Variants in GLI1 observed in about 807,000 individuals in gnomAD.
GLI1 encodes the protein GLI family zinc finger 1.
In GLI1, 51 loss-of-function variants were observed where a neutral mutation model predicts 87.8. The ratio of observed to expected loss-of-function variants is 0.58; its 90% confidence interval spans 0.46 to 0.73. GLI1 has a LOEUF of 0.73. GLI1 is among the 30% of genes least tolerant of loss of function. The probability of loss-of-function intolerance (pLI) is 0.00; values close to 1 mark genes in which losing one functional copy is unlikely to be tolerated. For synonymous variants in GLI1, 528 were observed against 558.2 expected, an observed-to-expected ratio of 0.95 and a Z score of 0.76; for missense variants, 1,292 against 1,437.2, an observed-to-expected ratio of 0.90 and a Z score of 1.63.
chr12:57,467,087 T>C (rs1036267475), intron 8 of GLI1, among the ~76,000 whole-genome samples: 1 of 152,134 alleles, frequency 6.6e-6, no homozygotes, highest in Non-Finnish European at 1.5e-5. Flanking sequence ...CAGAGAAATC[T>C]GCCCTGGCTT....
chr12:57,469,643 T>G lies in GLI1; in HGVS notation c.1521T>G (p.His507Gln). 6.2e-7 allele frequency: 1 copy of G among 1,614,036 alleles called. No homozygotes were observed. Among genetic ancestry groups the G allele is most frequent in the Non-Finnish European group, 8.5e-7 (1 of 1,180,012 alleles). Residue 507 changes from histidine (H) to glutamine (Q), a missense_variant, in exon 11 of 12, where the codon CAT (histidine) becomes CAG (glutamine). By Grantham distance (24) the His-to-Gln change is conservative. Coordinates refer to ENST00000228682, the MANE Select transcript of GLI1 (RefSeq NM_005269.3). ...AGAACCTCAGGCTGGACCAGCTACA[T>G]CAACTCCGGCCAATAGGGACCCGGG... ...RLENLRLDQLHQLRPIGTRGL... is the reference protein window; with the variant it reads ...RLENLRLDQLQQLRPIGTRGL...
Position 57,463,733 on chromosome 12 carries a change from C to T in GLI1, c.42C>T (p.Gly14=), listed in dbSNP as rs375023995. ...SMTPPPISSY[G]EPCCLRPLPS... ...CCCCACCACCAATCAGTAGCTATGG[C>T]GAGCCCTGCTGTCTCCGGCCCCTCC... The change falls in exon 2 of 12, where the codon GGC becomes GGT. Residue 14 remains glycine, a synonymous_variant. Coordinates refer to ENST00000228682, the MANE Select transcript of GLI1 (RefSeq NM_005269.3). 54 of 1,612,252 alleles carry T rather than the reference C, an allele frequency of 3.3e-5. 1 individual carries two copies. In the Middle Eastern group the frequency reaches 6.6e-4, roughly 20 times the overall value.
chr12:57,460,901 T>A (rs1871099360), intron 1 of GLI1, among the ~76,000 whole-genome samples: 1 of 151,958 alleles, frequency 6.6e-6, no homozygotes, highest in South Asian at 2.1e-4. Flanking sequence ...GTCTTGACCC[T>A]CTGACCTCAG....
Position 57,463,983 on chromosome 12 carries a change from T to A in GLI1, c.101-16T>A. On this transcript the variant is annotated splice_polypyrimidine_tract_variant and intron_variant, in intron 2 of 11. Coordinates refer to ENST00000228682, the MANE Select transcript of GLI1 (RefSeq NM_005269.3). Reference sequence around the variant, plus strand: ...ATGTATCCTCCATTCCCATTCCAGCTGTCTCTTTTTTCTAGGACTGTCTGG... The same window carrying A: ...ATGTATCCTCCATTCCCATTCCAGCAGTCTCTTTTTTCTAGGACTGTCTGG... 14 of 1,586,256 alleles carry A rather than the reference T, an allele frequency of 8.8e-6. No individual in the cohort carries two copies. The highest frequency in any genetic ancestry group is 1.1e-5 in the Non-Finnish European group (13 of 1,154,508).
At chr12:57,462,043 T>C (rs943080154) in intron 1 of GLI1, among the ~76,000 whole-genome samples, 8 of 152,200 alleles carry the variant, frequency 5.3e-5, no homozygotes, top group Non-Finnish European at 7.4e-5. Flanking sequence ...CCCATTTCCT[T>C]GGAGGCTCTT....
chr12:57,466,295 G>T lies in GLI1; in HGVS notation c.818G>T (p.Gly273Val), dbSNP rs1486673896. The change falls in exon 8 of 12, where the codon GGG becomes GTG. Residue 273 changes from glycine to valine, a missense_variant. Around this residue, in one of 3 missense-constraint regions of GLI1, gnomAD observed 383 missense variants for 368.4 expected, o/e 1.04. Transcript: ENST00000228682. ...CGGAAGGAGTTCGTGTGCCACTGGG[G>T]GGGCTGCTCCAGGGAGCTGAGGCCC... ...GERKEFVCHW[G>V]GCSRELRPFK... 18 of 1,614,048 alleles carry T rather than the reference G, an allele frequency of 1.1e-5. No homozygotes were observed. The highest frequency in any genetic ancestry group is 1.4e-5 in the Non-Finnish European group (17 of 1,179,970).
In GLI1 at chr12:57,468,107, C is replaced by A; in HGVS notation, c.1191C>A (p.His397Gln). 6.2e-7 allele frequency: 1 copy of A among 1,614,118 alleles called. No homozygotes were observed. The highest frequency in any genetic ancestry group is 8.5e-7 in the Non-Finnish European group (1 of 1,179,944). Residue 397 changes from histidine to glutamine, a missense_variant, in exon 10 of 12, where the codon CAC (histidine) becomes CAA (glutamine). This residue lies in a region of GLI1 where 897 missense variants were observed against 1,040.7 expected (regional missense o/e 0.86). Coordinates refer to ENST00000228682, the MANE Select transcript of GLI1 (RefSeq NM_005269.3). ...CTGACGCCCATGTGACCAAACGGCACCGTGGGGATGGCCCCCTGCCTCGGG... is the reference window on the plus strand; with the variant it reads ...CTGACGCCCATGTGACCAAACGGCAACGTGGGGATGGCCCCCTGCCTCGGG... ...HGPDAHVTKR[H>Q]RGDGPLPRAP...
chr12:57,470,997 C>T lies in GLI1; in HGVS notation c.2257C>T (p.Leu753Phe), dbSNP rs769216016. 1 of 1,611,586 alleles carries T rather than the reference C, an allele frequency of 6.2e-7. No individual in the cohort carries two copies. Among genetic ancestry groups the T allele is most frequent in the South Asian group, 1.1e-5 (1 of 90,784 alleles). Residue 753 changes from leucine (L) to phenylalanine (F), a missense_variant, in exon 12 of 12, where the codon CTT becomes TTT. Leu to Phe is a conservative substitution (Grantham distance 22, BLOSUM62 0). Transcript: ENST00000228682. ...AGCGAGGGGTCCAGGCTCTCTGCCT[C>T]TTGGGCCTGGTCCACCCACCAACTA... Reference protein sequence around the residue: ...YGARGPGSLPLGPGPPTNYGP... With the variant: ...YGARGPGSLPFGPGPPTNYGP...
intron 11 of GLI1, 43 bp downstream of exon 11, chr12:57,469,741 A>C (rs1871745654): frequency 6.3e-7 from 1 of 1,594,954 alleles, no homozygotes. Flanking sequence ...TGAGATCTGG[A>C]CCTGCCCTGA....
At position 57,465,131 on chromosome 12, in the gene GLI1, C is replaced by A; in HGVS notation, c.410C>A (p.Ala137Asp). The change falls in exon 5 of 12, where the codon GCC (alanine) becomes GAC (aspartate). Residue 137 changes from alanine (A) to aspartate (D), a missense_variant. By Grantham distance (126) the Ala-to-Asp change is moderately radical. Around this residue, in one of 3 missense-constraint regions of GLI1, gnomAD observed 383 missense variants for 368.4 expected, o/e 1.04. Transcript: ENST00000228682. ...CTCAGCCCATCTCTGGGATTCCCAG[C>A]CCAGATGAATCACCAAAAAGGGCCC... ...GTMSPSLGFPAQMNHQKGPSP... is the reference protein window; with the variant it reads ...GTMSPSLGFPDQMNHQKGPSP... 6.2e-7 allele frequency: 1 copy of A among 1,614,060 alleles called. No individual in the cohort carries two copies. Among genetic ancestry groups the A allele is most frequent in the Non-Finnish European group, 8.5e-7 (1 of 1,179,906 alleles).
Position 57,469,572 on chromosome 12 carries a change from G to A in GLI1, c.1450G>A (p.Gly484Arg). ...STEDLSSLDEGPCIAGTGLST... is the reference protein window; with the variant it reads ...STEDLSSLDERPCIAGTGLST... ...TGAAGACCTCTCCAGCTTGGACGAGGGACCTTGCATTGCTGGCACTGGTCT... is the reference window on the plus strand; with the variant it reads ...TGAAGACCTCTCCAGCTTGGACGAGAGACCTTGCATTGCTGGCACTGGTCT... The change falls in exon 11 of 12, where the codon GGA (glycine) becomes AGA (arginine). Residue 484 changes from glycine (G) to arginine (R), a missense_variant. By Grantham distance (125) the Gly-to-Arg change is moderately radical. This residue lies in a region of GLI1 where 897 missense variants were observed against 1,040.7 expected (regional missense o/e 0.86). Coordinates refer to ENST00000228682, the MANE Select transcript of GLI1 (RefSeq NM_005269.3). 6.2e-7 allele frequency: 1 copy of A among 1,614,212 alleles called. No homozygotes were observed. Among genetic ancestry groups the A allele is most frequent in the Non-Finnish European group, 8.5e-7 (1 of 1,180,042 alleles).
At chr12:57,465,363 C>A in intron 5 of GLI1, 108 bp downstream of exon 5, 1 of 1,068,920 alleles carries the variant, frequency 9.4e-7, no homozygotes, top group Non-Finnish European at 1.4e-6. Flanking sequence ...GTTTTCAGTA[C>A]TAGAAAAGTA....
chr12:57,465,718 T>C (rs759789111), intron 6 of GLI1, 22 bp downstream of exon 6: 11 of 1,613,548 alleles, frequency 6.8e-6, no homozygotes, highest in Non-Finnish European at 9.3e-6. Flanking sequence ...GGCAGGAGCT[T>C]TACCTCTGGG....
At chr12:57,468,697 A>C (rs1871668186) in intron 10 of GLI1, among the ~76,000 whole-genome samples, 1 of 151,690 alleles carries the variant, frequency 6.6e-6, no homozygotes, top group South Asian at 2.1e-4. Flanking sequence ...CCTGGCCTTG[A>C]GCGATCCTCC....
At position 57,461,353 on chromosome 12, in the gene GLI1, C is replaced by A. The variant is rs151207679; in HGVS notation, c.-28+1152C>A. ...TCCCCCTCCACCATTATCTCCCTGGCATCCCCGCCCTTGACGTCACCAGGG... is the reference window on the plus strand; with the variant it reads ...TCCCCCTCCACCATTATCTCCCTGGAATCCCCGCCCTTGACGTCACCAGGG... On this transcript the variant is annotated intron_variant, in intron 1 of 11. Transcript: ENST00000228682. Among the ~76,000 whole-genome samples, 1,236 of 152,136 alleles carry A rather than the reference C, an allele frequency of 8.1e-3. 14 individuals are homozygous for A. Among genetic ancestry groups the A allele is most frequent in the Non-Finnish European group, 0.013 (895 of 67,984 alleles).
chr12:57,467,346 G>A lies in GLI1; in HGVS notation c.926G>A (p.Arg309Gln), dbSNP rs767216717. ...CATGTCCCCCAGTTTGAAGGGTGCC[G>A]GAAGTCATACTCACGCCTCGAAAAC... ...KPHKCTFEGCRKSYSRLENLK... is the reference protein window; with the variant it reads ...KPHKCTFEGCQKSYSRLENLK... Residue 309 changes from arginine (R) to glutamine (Q), a missense_variant, in exon 9 of 12, where the codon CGG becomes CAG. Physicochemically the swap from Arg to Gln is conservative, Grantham distance 43. Around this residue, in one of 3 missense-constraint regions of GLI1, gnomAD observed 897 missense variants for 1,040.7 expected, o/e 0.86. Coordinates refer to ENST00000228682, the MANE Select transcript of GLI1 (RefSeq NM_005269.3). 2.0e-5 allele frequency: 32 copies of A among 1,608,040 alleles called. No homozygotes were observed. The highest frequency in any genetic ancestry group is 2.2e-5 in the East Asian group (1 of 44,716).
chr12:57,470,654 G>T lies in GLI1; in HGVS notation c.1914G>T (p.Arg638Ser). ...ACCCCAATGCAGGGGTCACCCGGAG[G>T]GCCAGTGACCCAGCCCAGGCTGCTG... ...GYNPNAGVTR[R>S]ASDPAQAADR... The change falls in exon 12 of 12, where the codon AGG (arginine) becomes AGT (serine). Residue 638 changes from arginine (R) to serine (S), a missense_variant. Around this residue, in one of 3 missense-constraint regions of GLI1, gnomAD observed 897 missense variants for 1,040.7 expected, o/e 0.86. Transcript: ENST00000228682. The T allele has an allele frequency of 6.2e-7, 1 of 1,613,690 alleles. No individual in the cohort carries two copies. The highest frequency in any genetic ancestry group is 8.5e-7 in the Non-Finnish European group (1 of 1,179,848).
In GLI1 at chr12:57,470,348, A is replaced by C. The variant is rs1871790459; in HGVS notation, c.1608A>C (p.Pro536=). 6.3e-7 allele frequency: 1 copy of C among 1,589,306 alleles called. No homozygotes were observed. Among genetic ancestry groups the C allele is most frequent in the Non-Finnish European group, 8.6e-7 (1 of 1,166,580 alleles). ...CTGTGTCCCGCCGCGTGGGCCCCCC[A>C]GTCTCTCTTGAACGCCGCAGCAGCA... ...GTTVSRRVGP[P]VSLERRSSSS... Residue 536 remains proline (P), a synonymous_variant, in exon 12 of 12, where the codon CCA becomes CCC. Coordinates refer to ENST00000228682, the MANE Select transcript of GLI1 (RefSeq NM_005269.3).
chr12:57,464,945 C>G, intron 4 of GLI1, 77 bp downstream of exon 4: 2 of 1,289,084 alleles, frequency 1.6e-6, no homozygotes, highest in Non-Finnish European at 2.2e-6. Context: ...CTCAAACTAC[C>G]TAACCCTATT....
Sources: gnomAD v4.1 joint callset for allele counts (sites outside exome capture counted in the v4.1 genomes callset) on GRCh38, gnomAD v4.1.1 for gene constraint, gnomAD v4.1.1 regional missense constraint, MANE v1.5 for transcripts, NCBI Gene and HGNC (gene_info 2026-07-23, HGNC 2026-07-21) for gene names.